Variants in TMEM52B observed in about 807,000 individuals in gnomAD.
TMEM52B encodes transmembrane protein 52B.
TMEM52B carries 11 observed loss-of-function variants against 16.1 expected under a neutral mutation model. The observed-to-expected ratio is 0.68, with a 90% CI of 0.43 to 1.13. The LOEUF is 1.13. Among genes scored for constraint, TMEM52B ranks in the 50% most tolerant of loss-of-function variants. TMEM52B has a pLI of 0.00. For missense variants in TMEM52B, 243 were observed against 230.4 expected (o/e 1.05, Z -0.35); for synonymous variants, 101 against 93.8 (o/e 1.08, Z -0.45).
chr12:10,189,964 GGCCA>G lies in TMEM52B; in HGVS notation c.379_382del (p.Gln127CysfsTer17). The G allele has an allele frequency of 3.1e-6, 5 of 1,614,104 alleles. No homozygotes were observed. In the South Asian group the frequency reaches 5.5e-5, roughly 18 times the overall value. On this transcript the variant is annotated frameshift_variant, in exon 5 of 5. Transcript: ENST00000543484. LOFTEE classifies it low-confidence loss of function (END_TRUNC). The stretch of plus-strand genomic sequence containing the variant: ...TGTGGCTCACTCCCACAGCTCCCTG[GGCCA>G]GCTGCCCTCCTCTTTGGACACCCTC...
chr12:10,175,779 C>T (rs756849980), upstream of TMEM52B, among the ~76,000 whole-genome samples: 1 of 152,152 alleles, frequency 6.6e-6, no homozygotes, highest in South Asian at 2.1e-4. Flanking sequence ...GTGGCCCTAC[C>T]CACTGACTTA....
intron 2 of TMEM52B, among the ~76,000 whole-genome samples, chr12:10,183,479 A>G (rs538483816): frequency 6.6e-6 from 1 of 152,290 alleles, no homozygotes; most frequent in African/African-American, 2.4e-5. Context: ...AAACAAAACT[A>G]TATTTTCTAT....
At chr12:10,174,345 G>C (rs1010523321), upstream of TMEM52B, among the ~76,000 whole-genome samples, 1 of 152,200 alleles carries the variant, frequency 6.6e-6, no homozygotes. Flanking sequence ...TTACAAGCGT[G>C]AGCCACCGTG....
chr12:10,175,236 A>G (rs1242201464), upstream of TMEM52B: 2 of 152,222 alleles, frequency 1.3e-5, no homozygotes, highest in African/African-American at 4.8e-5. Context: ...CTATTATGCT[A>G]AAGTCACTCT....
rs150867726 is a variant in TMEM52B at position 10,190,500 on chromosome 12, A to G, written c.*360A>G. The G allele has an allele frequency of 1.5e-3, 353 of 237,832 alleles. No homozygotes were observed. Among genetic ancestry groups the G allele is most frequent in the African/African-American group, 6.9e-3 (310 of 45,116 alleles). 14.7% of individuals were successfully genotyped at this position (237,832 alleles called of 1,614,324 possible). A position where few individuals can be genotyped will look rare whatever the true frequency, so the allele number is the denominator to read the frequency against. ...TGTGTCTCTCTCTGTCAGCGAATCC[A>G]CTGCGGTTAACTGGAAAAGAAAGAC... On this transcript the variant is annotated 3_prime_UTR_variant, in exon 5 of 5. Coordinates refer to ENST00000543484, the MANE Select transcript of TMEM52B (RefSeq NM_001384896.1).
At position 10,179,328 on chromosome 12, in the gene TMEM52B, G is replaced by A. The variant is rs1948795315; in HGVS notation, c.-247G>A. ...AAGAAGGCAAAAGGAAGTAAATGTG[G>A]AGGCCATAGAAATAGTAATAAGAAT... On this transcript the variant is annotated 5_prime_UTR_variant, in exon 1 of 5. An upstream open reading frame in the 5' UTR gains an earlier in-frame stop. Transcript: ENST00000543484. The A allele has an allele frequency of 2.0e-6, 1 of 512,132 alleles. No individual in the cohort carries two copies. Among genetic ancestry groups the A allele is most frequent in the African/African-American group, 1.9e-5 (1 of 52,462 alleles). The allele number at this position is 512,132 out of a possible 1,614,324, so 31.7% of individuals were successfully genotyped here. A position where few individuals can be genotyped will look rare whatever the true frequency, so the allele number is the denominator to read the frequency against.
intron 1 of TMEM52B, among the ~76,000 whole-genome samples, chr12:10,179,986 C>T (rs762733532): frequency 2.0e-5 from 3 of 152,152 alleles, no homozygotes; most frequent in Middle Eastern, 3.2e-3. Context: ...TTCCCCTAAA[C>T]GGAATTTCCC....
intron 2 of TMEM52B, 36 bp downstream of exon 2, chr12:10,182,629 C>G: frequency 6.6e-7 from 1 of 1,525,892 alleles, no homozygotes; most frequent in African/African-American, 1.4e-5. Flanking sequence ...GAAGGAGCAA[C>G]AGACCAAAAC....
In TMEM52B at chr12:10,186,592, G is replaced by A; in HGVS notation, c.307+3G>A. 1 of 1,561,344 alleles carries A rather than the reference G, an allele frequency of 6.4e-7. No individual in the cohort carries two copies. The highest frequency in any genetic ancestry group is 1.3e-5 in the African/African-American group (1 of 74,300). On this transcript the variant is annotated splice_donor_region_variant and intron_variant, in intron 4 of 4. Coordinates refer to ENST00000543484, the MANE Select transcript of TMEM52B (RefSeq NM_001384896.1). ...CACTCTCCAGAGCACTATCACATGT[G>A]AGTACACTGAACTTTTAACCTGGGA...
intron 1 of TMEM52B, among the ~76,000 whole-genome samples, chr12:10,180,269 T>C (rs373884282): frequency 9.1e-4 from 114 of 125,098 alleles, no homozygotes; most frequent in African/African-American, 3.1e-3. Flanking sequence ...GTGGGCTGTA[T>C]GGTTTGTTTT....
chr12:10,176,823 G>A (rs146838076), upstream of TMEM52B, among the ~76,000 whole-genome samples: 2 of 152,176 alleles, frequency 1.3e-5, no homozygotes, highest in East Asian at 1.9e-4. Flanking sequence ...GCCAATAGAG[G>A]TCTAATAACC....
chr12:10,181,796 G>A (rs1195287349), intron 1 of TMEM52B, among the ~76,000 whole-genome samples: 2 of 151,312 alleles, frequency 1.3e-5, no homozygotes, highest in African/African-American at 4.9e-5. Context: ...GGAGGCGGAG[G>A]TGGGTGGGTC....
chr12:10,178,405 C>G (rs113333556), upstream of TMEM52B, among the ~76,000 whole-genome samples: 1,653 of 151,622 alleles, frequency 0.011, 32 homozygotes, highest in African/African-American at 0.037. Flanking sequence ...CGCCAGTATT[C>G]CCAGCTACTC....
chr12:10,184,838 A>ATTTTTTTT (rs36048805), intron 2 of TMEM52B, among the ~76,000 whole-genome samples: 1 of 148,840 alleles, frequency 6.7e-6, no homozygotes, highest in Non-Finnish European at 1.5e-5. Context: ...CTTTCTTAGT[A>ATTTTTTTT]TTTTTTTTTT....
intron 3 of TMEM52B, among the ~76,000 whole-genome samples, chr12:10,186,024 A>C (rs1283882836): frequency 6.6e-6 from 1 of 151,822 alleles, no homozygotes; most frequent in African/African-American, 2.4e-5. Flanking sequence ...CTGGGCAACA[A>C]GAGCAAAACT....
intron 1 of TMEM52B, chr12:10,182,041 C>CAA: frequency 8.1e-6 from 3 of 372,002 alleles, no homozygotes; most frequent in African/African-American, 4.0e-5. Context: ...AAAAAAAAAA[C>CAA]AAAAAAAAAA....
At chr12:10,173,549 G>A (rs553517050) in intron 1 of TMEM52B, among the ~76,000 whole-genome samples, 84 of 61,956 alleles carry the variant, frequency 1.4e-3, no homozygotes, top group African/African-American at 4.7e-3. Context: ...GGAAGCTGAG[G>A]GGGGGGGTGG....
At chr12:10,174,891 A>G (rs922879648), upstream of TMEM52B, among the ~76,000 whole-genome samples, 19 of 152,236 alleles carry the variant, frequency 1.2e-4, no homozygotes, top group African/African-American at 3.6e-4. Flanking sequence ...ACAATTATCA[A>G]TGTGGTAGCA....
chr12:10,176,406 G>A (rs1948766008), upstream of TMEM52B, among the ~76,000 whole-genome samples: 1 of 152,174 alleles, frequency 6.6e-6, no homozygotes, highest in Admixed American at 6.5e-5. Context: ...GAAGCTGGAG[G>A]GCAAAAAGAT....
Sources: gnomAD v4.1 joint callset for allele counts (sites outside exome capture counted in the v4.1 genomes callset) on GRCh38, gnomAD v4.1.1 for gene constraint, MANE v1.5 for transcripts, NCBI Gene and HGNC (gene_info 2026-07-23, HGNC 2026-07-21) for gene names.